Variants in EVI5 observed in about 807,000 individuals in gnomAD.
EVI5 encodes the protein ecotropic viral integration site 5 protein homolog.
A neutral mutation model predicts 112.0 loss-of-function variants in EVI5; 73 were observed. That is an observed-to-expected ratio of 0.65 (90% confidence interval 0.54 to 0.79). The LOEUF is 0.79. Ranked by LOEUF, EVI5 falls within the 30% of genes least tolerant of loss-of-function variation. EVI5 has a pLI of 0.00. For synonymous variants in EVI5, 305 were observed against 319.9 expected, an observed-to-expected ratio of 0.95 and a Z score of 0.50; for missense variants, 900 against 968.8, an observed-to-expected ratio of 0.93 and a Z score of 0.94.
intron 19 of EVI5, among the ~76,000 whole-genome samples, chr1:92,548,392 T>G (rs1317956896): frequency 2.0e-5 from 3 of 152,210 alleles, no homozygotes; most frequent in Non-Finnish European, 4.4e-5. Context: ...GCCAATATCA[T>G]ACTGAATGGA....
chr1:92,690,732 A>T (rs1669362352), intron 9 of EVI5, among the ~76,000 whole-genome samples: 1 of 152,200 alleles, frequency 6.6e-6, no homozygotes, highest in South Asian at 2.1e-4. Context: ...CAAAGTATCA[A>T]CTTACAAAGT....
At chr1:92,546,116 A>G (rs1264784199) in intron 19 of EVI5, among the ~76,000 whole-genome samples, 1 of 152,134 alleles carries the variant, frequency 6.6e-6, no homozygotes, top group Non-Finnish European at 1.5e-5. Context: ...ACTGGGATGG[A>G]AGGGGCTTTA....
intron 13 of EVI5, among the ~76,000 whole-genome samples, chr1:92,638,743 A>G (rs1659379159): frequency 6.6e-6 from 1 of 152,176 alleles, no homozygotes; most frequent in Non-Finnish European, 1.5e-5. Flanking sequence ...GGGTACACCA[A>G]GGTCAAACAG....
At chr1:92,692,040 C>T (rs1369583687) in intron 9 of EVI5, among the ~76,000 whole-genome samples, 2 of 152,108 alleles carry the variant, frequency 1.3e-5, no homozygotes, top group Non-Finnish European at 2.9e-5. Flanking sequence ...TATGCAATAA[C>T]AATTGGATAC....
At chr1:92,589,658 C>T (rs183588129) in intron 18 of EVI5, among the ~76,000 whole-genome samples, 1,654 of 152,312 alleles carry the variant, frequency 0.011, 35 homozygotes, top group African/African-American at 0.038. Flanking sequence ...TCAAGGAGGC[C>T]TGCCTGCCTC....
intron 16 of EVI5, chr1:92,622,349 AGT>A (rs1443683799): frequency 2.3e-6 from 1 of 439,660 alleles, no homozygotes; most frequent in Non-Finnish European, 4.6e-6. Context: ...GACTGCCAAC[AGT>A]GTTGATAGCA....
intron 1 of EVI5, among the ~76,000 whole-genome samples, chr1:92,780,890 C>T (rs1558253010): frequency 6.7e-6 from 1 of 149,094 alleles, no homozygotes; most frequent in Non-Finnish European, 1.5e-5. Context: ...CTCACTCTGT[C>T]GCCCAGGCTA....
chr1:92,611,913 C>T (rs148462182), intron 16 of EVI5, among the ~76,000 whole-genome samples: 3,143 of 150,828 alleles, frequency 0.021, 59 homozygotes, highest in Non-Finnish European at 0.03. Context: ...CAGTGAGACC[C>T]TATTTAAAAA....
At chr1:92,556,452 A>C (rs905880014) in intron 19 of EVI5, among the ~76,000 whole-genome samples, 1 of 152,252 alleles carries the variant, frequency 6.6e-6, no homozygotes, top group African/African-American at 2.4e-5. Flanking sequence ...AGGTTCTTGG[A>C]AACTGTCATT....
chr1:92,658,052 A>ATC (rs1419277028), intron 13 of EVI5, among the ~76,000 whole-genome samples: 2 of 152,214 alleles, frequency 1.3e-5, no homozygotes, highest in African/African-American at 4.8e-5. Context: ...TGGAAGGGAG[A>ATC]TCCAAGCCAT....
At chr1:92,776,166 T>G (rs1296413119) in intron 1 of EVI5, among the ~76,000 whole-genome samples, 1 of 152,018 alleles carries the variant, frequency 6.6e-6, no homozygotes, top group Non-Finnish European at 1.5e-5. Context: ...AGGTTTTTAT[T>G]TTTTGCCAAA....
rs1558208275 is a variant in EVI5, at chr1:92,755,078, T to TG, written c.-81-18452_-81-18451insC. On this transcript the variant is annotated intron_variant, in intron 1 of 19. Coordinates refer to ENST00000684568, the MANE Select transcript of EVI5 (RefSeq NM_001350197.2). ...GTGATGTGAACATAGGTTTTTTTTT[T>TG]TTTTTTTTTTTGCATCTGAAATATT... Among the ~76,000 whole-genome samples, 24 of 151,234 alleles carry TG rather than the reference T, an allele frequency of 1.6e-4. 1 individual carries two copies. Among genetic ancestry groups the TG allele is most frequent in the East Asian group, 3.9e-4 (2 of 5,172 alleles).
intron 19 of EVI5, among the ~76,000 whole-genome samples, chr1:92,543,420 T>G (rs887274796): frequency 1.3e-5 from 2 of 152,214 alleles, no homozygotes; most frequent in Admixed American, 1.3e-4. Flanking sequence ...GGATTAGGCT[T>G]TGGCTTAAGA....
chr1:92,718,048 G>T (rs1472142689), intron 2 of EVI5, among the ~76,000 whole-genome samples: 1 of 152,138 alleles, frequency 6.6e-6, no homozygotes, highest in Admixed American at 6.5e-5. Context: ...CAAAAAGCAA[G>T]TCCTGAGAGA....
chr1:92,756,856 G>A, intron 1 of EVI5: 1 of 474,932 alleles, frequency 2.1e-6, no homozygotes, highest in South Asian at 1.6e-5. Flanking sequence ...GTCCCTCACT[G>A]GCAATAGTAG....
intron 1 of EVI5, among the ~76,000 whole-genome samples, chr1:92,737,162 T>C (rs1275462972): frequency 1.3e-5 from 2 of 152,134 alleles, no homozygotes; most frequent in African/African-American, 4.8e-5. Context: ...CCTTGATTGA[T>C]CTCTCTTCAA....
chr1:92,744,598 TCTCA>T (rs1553263748), intron 1 of EVI5, among the ~76,000 whole-genome samples: 5,813 of 58,160 alleles, frequency 0.1, 147 homozygotes, highest in African/African-American at 0.2. Context: ...TCTCTCTCTC[TCTCA>T]CACACACACA....
intron 18 of EVI5, among the ~76,000 whole-genome samples, chr1:92,577,226 T>A (rs149209736): frequency 5.2e-4 from 79 of 152,358 alleles, no homozygotes; most frequent in Middle Eastern, 3.4e-3. Flanking sequence ...AAGCTTCTCC[T>A]GTTCTGTCAG....
chr1:92,616,229 T>C (rs1340870288), intron 16 of EVI5, among the ~76,000 whole-genome samples: 2 of 152,202 alleles, frequency 1.3e-5, no homozygotes, highest in Non-Finnish European at 2.9e-5. Context: ...GACGTACTCT[T>C]GACCAATGCC....
Sources: gnomAD v4.1 joint callset for allele counts (sites outside exome capture counted in the v4.1 genomes callset) on GRCh38, gnomAD v4.1.1 for gene constraint, MANE v1.5 for transcripts, NCBI Gene and HGNC (gene_info 2026-07-23, HGNC 2026-07-21) for gene names.